NAALADL2: variants seen among roughly 807,000 people sequenced by gnomAD.
The protein encoded by NAALADL2 is inactive N-acetylated-alpha-linked acidic dipeptidase-like protein 2.
Under a neutral mutation model 87.2 loss-of-function variants are expected in NAALADL2, and 76 were observed. The ratio of observed to expected loss-of-function variants is 0.87; its 90% confidence interval spans 0.72 to 1.05. NAALADL2 has a LOEUF of 1.05. Ranked by LOEUF, NAALADL2 falls within the 50% of genes least tolerant of loss-of-function variation. The probability of loss-of-function intolerance (pLI) is 0.00; values close to 1 mark genes in which losing one functional copy is unlikely to be tolerated. For synonymous variants in NAALADL2, 354 were observed against 331.0 expected, an observed-to-expected ratio of 1.07 and a Z score of -0.75; for missense variants, 1,089 against 945.8, an observed-to-expected ratio of 1.15 and a Z score of -1.99.
At chr3:175,752,857 C>T (rs1478999710) in intron 12 of NAALADL2, among the ~76,000 whole-genome samples, 1 of 152,128 alleles carries the variant, frequency 6.6e-6, no homozygotes, top group Non-Finnish European at 1.5e-5. Context: ...TCAAGGATGT[C>T]GAACTTGTTT....
chr3:174,878,108 G>C (rs1379265298), intron 1 of NAALADL2, among the ~76,000 whole-genome samples: 1 of 152,008 alleles, frequency 6.6e-6, no homozygotes, highest in East Asian at 1.9e-4. Flanking sequence ...TTTTGAAATA[G>C]CTTTTCAATT....
At chr3:175,390,336 A>C (rs941806119) in intron 5 of NAALADL2, among the ~76,000 whole-genome samples, 1 of 152,202 alleles carries the variant, frequency 6.6e-6, no homozygotes, top group Admixed American at 6.5e-5. Flanking sequence ...TCTATAGAAA[A>C]TCAGTCCATT....
chr3:175,342,532 G>T (rs966480409), intron 5 of NAALADL2, among the ~76,000 whole-genome samples: 6 of 151,854 alleles, frequency 4.0e-5, no homozygotes, highest in Non-Finnish European at 7.4e-5. Context: ...GTGTGTGTGT[G>T]TATCACTATC....
At chr3:174,471,509 T>C (rs1049836933) in intron 1 of NAALADL2, among the ~76,000 whole-genome samples, 2 of 152,126 alleles carry the variant, frequency 1.3e-5, no homozygotes, top group Non-Finnish European at 2.9e-5. Context: ...AACTACCTGA[T>C]TGAGAGGTGA....
chr3:174,964,959 T>C (rs1742656261), intron 1 of NAALADL2, among the ~76,000 whole-genome samples: 1 of 151,958 alleles, frequency 6.6e-6, no homozygotes, highest in East Asian at 1.9e-4. Context: ...AGGAGGTGGT[T>C]GTATTACTTA....
At chr3:174,451,640 T>C (rs1715487479) in intron 1 of NAALADL2, among the ~76,000 whole-genome samples, 1 of 152,182 alleles carries the variant, frequency 6.6e-6, no homozygotes, top group South Asian at 2.1e-4. Context: ...AGTCTATATC[T>C]CTGATTATTT....
Position 175,181,783 on chromosome 3 carries a change from A to G in NAALADL2, c.546-52148A>G, listed in dbSNP as rs1274867034. ...TGTATATATGTGTGTATATATGTATATATATGTGTGTGTGTATATATATGT... is the reference window on the plus strand; with the variant it reads ...TGTATATATGTGTGTATATATGTATGTATATGTGTGTGTGTATATATATGT... On this transcript the variant is annotated intron_variant, in intron 2 of 13. Coordinates refer to ENST00000454872, the MANE Select transcript of NAALADL2 (RefSeq NM_207015.3). 2.1e-5 allele frequency among the ~76,000 whole-genome samples: 3 copies of G among 144,318 alleles called. No homozygotes were observed. In the Admixed American group the frequency reaches 2.1e-4, roughly 10 times the overall value. 94.7% of individuals were successfully genotyped at this position (144,318 alleles called of 152,430 possible).
intron 1 of NAALADL2, among the ~76,000 whole-genome samples, chr3:174,509,691 G>T (rs948268710): frequency 2.0e-5 from 3 of 148,226 alleles, no homozygotes; most frequent in Non-Finnish European, 4.4e-5. Flanking sequence ...CTCCCAAAGT[G>T]CTGGGATTAC....
At chr3:175,710,036 T>A (rs1251623599) in intron 11 of NAALADL2, among the ~76,000 whole-genome samples, 1 of 151,684 alleles carries the variant, frequency 6.6e-6, no homozygotes, top group Non-Finnish European at 1.5e-5. Context: ...TTTTCTTGTA[T>A]TTTTTTTAAG....
intron 9 of NAALADL2, among the ~76,000 whole-genome samples, chr3:175,500,082 C>T (rs1346138037): frequency 1.3e-5 from 2 of 152,060 alleles, no homozygotes; most frequent in Non-Finnish European, 1.5e-5. Flanking sequence ...TACCGAATGA[C>T]TACCCCATGC....
At chr3:175,167,104 G>A (rs1734112706) in intron 2 of NAALADL2, among the ~76,000 whole-genome samples, 1 of 151,910 alleles carries the variant, frequency 6.6e-6, no homozygotes, top group African/African-American at 2.4e-5. Flanking sequence ...TAATCCAGGG[G>A]TCTGCAGACT....
chr3:174,569,052 G>A (rs1714621579), intron 2 of NAALADL2, among the ~76,000 whole-genome samples: 1 of 151,100 alleles, frequency 6.6e-6, no homozygotes, highest in Admixed American at 6.6e-5. Context: ...GCCTAATAAT[G>A]AATTTTTCAA....
chr3:175,738,850 G>A (rs1744872864), intron 12 of NAALADL2, among the ~76,000 whole-genome samples: 1 of 152,074 alleles, frequency 6.6e-6, no homozygotes, highest in South Asian at 2.1e-4. Context: ...ATGGCACTTT[G>A]CAAAATAAGA....
chr3:174,853,865 A>G (rs1242357552), intron 3 of NAALADL2, among the ~76,000 whole-genome samples: 1 of 152,234 alleles, frequency 6.6e-6, no homozygotes, highest in Non-Finnish European at 1.5e-5. Context: ...CTTTTATTAA[A>G]GAGACTGACA....
intron 1 of NAALADL2, among the ~76,000 whole-genome samples, chr3:174,885,905 T>G (rs1730071438): frequency 9.1e-5 from 4 of 43,978 alleles, no homozygotes; most frequent in African/African-American, 2.4e-4. Context: ...TTTTTTTTTT[T>G]TTTTTTTTTT....
chr3:174,805,349 T>G (rs1000065668), intron 3 of NAALADL2, among the ~76,000 whole-genome samples: 1 of 152,170 alleles, frequency 6.6e-6, no homozygotes. Flanking sequence ...TAGGATTACT[T>G]CGTTGTTCTA....
intron 5 of NAALADL2, among the ~76,000 whole-genome samples, chr3:175,351,653 T>C (rs926389353): frequency 3.3e-5 from 5 of 152,126 alleles, no homozygotes; most frequent in Non-Finnish European, 5.9e-5. Context: ...CTGGTGAATT[T>C]GCGTACGTGT....
intron 5 of NAALADL2, among the ~76,000 whole-genome samples, chr3:175,442,061 C>G (rs1369104149): frequency 1.3e-5 from 2 of 152,084 alleles, no homozygotes; most frequent in Non-Finnish European, 2.9e-5. Flanking sequence ...CCTGCCTCAG[C>G]CTCCTCCTGA....
At position 174,714,875 on chromosome 3, in the gene NAALADL2, G is replaced by C. The variant is rs142781331; in HGVS notation, c.-114-22766G>C. The stretch of plus-strand genomic sequence containing the variant: ...GAGAGAGGGCATCCCTGTCTTGTGC[G>C]AGTTTTCAAAGGGAATGCTTCCAGT... On this transcript the variant is annotated intron_variant, in intron 2 of 3. Coordinates refer to the NAALADL2 transcript ENST00000434257. Among the ~76,000 whole-genome samples the C allele has an allele frequency of 3.3e-3, 500 of 152,168 alleles. 2 individuals are homozygous for C. The highest frequency in any genetic ancestry group is 7.3e-3 in the African/African-American group (302 of 41,536).
Sources: allele counts gnomAD v4.1 joint callset (sites outside exome capture counted in the v4.1 genomes callset), GRCh38; gene constraint gnomAD v4.1.1; transcripts MANE v1.5; gene names NCBI Gene and HGNC (gene_info 2026-07-23, HGNC 2026-07-21).